Variants in DSCAM observed in about 807,000 individuals in gnomAD.
The protein encoded by DSCAM is cell adhesion molecule DSCAM.
Under a neutral mutation model 217.7 loss-of-function variants are expected in DSCAM, and 47 were observed. The ratio of observed to expected loss-of-function variants is 0.22; its 90% confidence interval spans 0.17 to 0.28. The LOEUF is 0.28. DSCAM is among the 10% of genes least tolerant of loss of function. The pLI is 1.00. For synonymous variants in DSCAM, 1,056 were observed against 1,015.3 expected (o/e 1.04, Z -0.76); for missense variants, 2,080 against 2,618.3 (o/e 0.79, Z 4.49).
At chr21:40,276,970 G>A (rs117210180) in intron 10 of DSCAM, among the ~76,000 whole-genome samples, 3,586 of 149,636 alleles carry the variant, frequency 0.024, 60 homozygotes, top group Non-Finnish European at 0.034. Context: ...TATACAACTG[G>A]GTAAAAAAAA....
intron 20 of DSCAM, among the ~76,000 whole-genome samples, chr21:40,121,679 GTCTTT>G (rs770914588): frequency 1.3e-5 from 1 of 76,734 alleles, no homozygotes; most frequent in South Asian, 4.4e-4. Context: ...TCTCATTACT[GTCTTT>G]TTTTTTTTTT....
intron 4 of DSCAM, among the ~76,000 whole-genome samples, chr21:40,360,638 G>A (rs552405019): frequency 1.3e-5 from 2 of 152,240 alleles, no homozygotes; most frequent in African/African-American, 2.4e-5. Context: ...TGCAAAGAAT[G>A]AGATTTCATT....
intron 11 of DSCAM, among the ~76,000 whole-genome samples, chr21:40,213,834 T>C (rs73366239): frequency 0.016 from 2,368 of 152,232 alleles, 61 homozygotes; most frequent in African/African-American, 0.052. Flanking sequence ...TGCAGGGATA[T>C]AAGGAGGCAA....
At chr21:40,193,041 G>A (rs1227037491) in intron 11 of DSCAM, among the ~76,000 whole-genome samples, 3 of 152,160 alleles carry the variant, frequency 2.0e-5, no homozygotes, top group African/African-American at 7.2e-5. Context: ...CACTCTTGTG[G>A]CCGGAGATTG....
chr21:40,633,156 C>G (rs1355721060), intron 3 of DSCAM, among the ~76,000 whole-genome samples: 1 of 152,234 alleles, frequency 6.6e-6, no homozygotes, highest in Non-Finnish European at 1.5e-5. Context: ...CACCAGCGAA[C>G]ACAAATGCTG....
chr21:40,334,788 C>T (rs1041146619), intron 8 of DSCAM, among the ~76,000 whole-genome samples: 3 of 152,138 alleles, frequency 2.0e-5, no homozygotes, highest in Admixed American at 6.5e-5. Context: ...TCTGGGACTA[C>T]GGGCTCGTCC....
At chr21:40,278,218 A>G (rs1037103745) in intron 10 of DSCAM, among the ~76,000 whole-genome samples, 5 of 152,214 alleles carry the variant, frequency 3.3e-5, no homozygotes, top group Middle Eastern at 3.2e-3. Context: ...TGTTGAGAAT[A>G]ACTAAATAAG....
chr21:40,720,105 C>T (rs944027196), intron 1 of DSCAM, among the ~76,000 whole-genome samples: 1 of 152,110 alleles, frequency 6.6e-6, no homozygotes, highest in African/African-American at 2.4e-5. Context: ...AACATGAGAA[C>T]TAAAACAGGC....
chr21:40,539,691 ATC>A (rs2076528661), intron 3 of DSCAM, among the ~76,000 whole-genome samples: 1 of 152,130 alleles, frequency 6.6e-6, no homozygotes, highest in African/African-American at 2.4e-5. Flanking sequence ...GGTCCTGTGT[ATC>A]TCTGTTTCTT....
intron 3 of DSCAM, among the ~76,000 whole-genome samples, chr21:40,620,518 AGCAGGCAGGCAG>A (rs140544756): frequency 3.3e-5 from 5 of 150,208 alleles, no homozygotes; most frequent in African/African-American, 9.7e-5. Flanking sequence ...GAGGAAGGCA[AGCAGGCAGGCAG>A]GCAGGCAGGC....
In DSCAM at chr21:40,173,209, C is replaced by T. The variant is rs183143789; in HGVS notation, c.2947+5718G>A. 3.3e-5 allele frequency among the ~76,000 whole-genome samples: 5 copies of T among 152,012 alleles called. No individual in the cohort carries two copies. In the East Asian group the frequency reaches 5.8e-4, roughly 18 times the overall value. ...ACAGTACACTGGGTGCTGATACAAG[C>T]GACTGCTAGAAGGAGAGTGGTAAGG... On this transcript the variant is annotated intron_variant, in intron 15 of 32. Transcript: ENST00000400454.
chr21:40,602,005 T>C (rs896342428), intron 3 of DSCAM, among the ~76,000 whole-genome samples: 3 of 151,790 alleles, frequency 2.0e-5, no homozygotes, highest in African/African-American at 7.3e-5. Flanking sequence ...GGTTTTAGGA[T>C]AATACTGGCC....
intron 11 of DSCAM, among the ~76,000 whole-genome samples, chr21:40,221,057 G>A (rs1227678872): frequency 6.6e-6 from 1 of 152,156 alleles, no homozygotes; most frequent in African/African-American, 2.4e-5. Flanking sequence ...CAATTCACAT[G>A]GCTAGTGAGA....
chr21:40,033,265 G>T (rs532528149), intron 32 of DSCAM, among the ~76,000 whole-genome samples: 4 of 152,178 alleles, frequency 2.6e-5, no homozygotes, highest in Non-Finnish European at 5.9e-5. Context: ...CTGAGGTACC[G>T]GGTTCATCTC....
At chr21:40,343,895 T>A (rs1333462156) in intron 6 of DSCAM, among the ~76,000 whole-genome samples, 1 of 145,680 alleles carries the variant, frequency 6.9e-6, no homozygotes, top group African/African-American at 2.8e-5. Flanking sequence ...TATTTCATTT[T>A]ATTTATTTTA....
intron 3 of DSCAM, among the ~76,000 whole-genome samples, chr21:40,675,041 AC>A (rs1568977473): frequency 1.3e-5 from 2 of 150,632 alleles, no homozygotes; most frequent in East Asian, 3.9e-4. Context: ...ATGCACGCGC[AC>A]ACACGTACAC....
intron 3 of DSCAM, among the ~76,000 whole-genome samples, chr21:40,645,973 A>C (rs1242535080): frequency 6.6e-6 from 1 of 152,214 alleles, no homozygotes; most frequent in African/African-American, 2.4e-5. Flanking sequence ...TTTAGCCTAT[A>C]AAATTAACTG....
intron 3 of DSCAM, among the ~76,000 whole-genome samples, chr21:40,543,795 G>A (rs562500034): frequency 1.2e-4 from 19 of 152,228 alleles, no homozygotes; most frequent in Non-Finnish European, 2.2e-4. Flanking sequence ...GGCAACGAAA[G>A]TATTAAATGA....
chr21:40,637,612 T>TAC (rs1217463780), intron 3 of DSCAM, among the ~76,000 whole-genome samples: 1 of 71,736 alleles, frequency 1.4e-5, no homozygotes, highest in Admixed American at 2.6e-4. Flanking sequence ...TATAAATATA[T>TAC]ATAAATATAT....
Sources: allele counts gnomAD v4.1 joint callset (sites outside exome capture counted in the v4.1 genomes callset), GRCh38; gene constraint gnomAD v4.1.1; transcripts MANE v1.5; gene names NCBI Gene and HGNC (gene_info 2026-07-23, HGNC 2026-07-21).